The following FGF14 variants were observed in gnomAD, a reference collection of about 807,000 sequenced individuals.
FGF14 encodes fibroblast growth factor homologous factor 4.
A neutral mutation model predicts 25.5 loss-of-function variants in FGF14; 5 were observed. The ratio of observed to expected loss-of-function variants is 0.20; its 90% confidence interval spans 0.10 to 0.41. The LOEUF (loss-of-function observed/expected upper bound fraction) is 0.41. Ranked by LOEUF, FGF14 falls within the 10% of genes least tolerant of loss-of-function variation. FGF14 has a pLI of 1.00. For synonymous variants in FGF14, 138 were observed against 118.3 expected, an observed-to-expected ratio of 1.17 and a Z score of -1.08; for missense variants, 222 against 320.1, an observed-to-expected ratio of 0.69 and a Z score of 2.34.
intron 1 of FGF14, among the ~76,000 whole-genome samples, chr13:102,012,381 C>A (rs1215731690): frequency 6.6e-6 from 1 of 152,118 alleles, no homozygotes; most frequent in Non-Finnish European, 1.5e-5. Context: ...TCTCTGGTAA[C>A]AATCTAGATT....
chr13:101,959,689 C>T (rs2036722735), intron 1 of FGF14, among the ~76,000 whole-genome samples: 2 of 152,162 alleles, frequency 1.3e-5, no homozygotes, highest in African/African-American at 4.8e-5. Context: ...TGGTCAAAGC[C>T]TATTACTTTC....
chr13:102,221,272 G>C (rs1028706655), intron 1 of FGF14, among the ~76,000 whole-genome samples: 12 of 152,056 alleles, frequency 7.9e-5, no homozygotes, highest in Admixed American at 1.3e-4. Context: ...TTTTCAGATG[G>C]AAATTTAATG....
chr13:102,251,927 C>A (rs966050849), intron 1 of FGF14, among the ~76,000 whole-genome samples: 1 of 152,264 alleles, frequency 6.6e-6, no homozygotes, highest in Admixed American at 6.5e-5. Flanking sequence ...CCAGAGAACT[C>A]ATTTTCTTTG....
intron 3 of FGF14, among the ~76,000 whole-genome samples, chr13:101,833,611 A>C (rs1369547204): frequency 6.6e-6 from 1 of 152,092 alleles, no homozygotes; most frequent in East Asian, 1.9e-4. Context: ...CTGTGTGTAT[A>C]TACATATATA....
intron 3 of FGF14, among the ~76,000 whole-genome samples, chr13:101,787,846 G>GC (rs1404359844): frequency 6.6e-6 from 1 of 152,042 alleles, no homozygotes; most frequent in African/African-American, 2.4e-5. Context: ...ACACAGAAAT[G>GC]CCAGGCTGTT....
At chr13:101,818,984 G>T (rs758334226) in intron 3 of FGF14, among the ~76,000 whole-genome samples, 1 of 152,136 alleles carries the variant, frequency 6.6e-6, no homozygotes, top group Non-Finnish European at 1.5e-5. Context: ...TTACCCCCCA[G>T]GTTACAATCT....
chr13:102,303,123 G>T (rs2055162920), intron 1 of FGF14, among the ~76,000 whole-genome samples: 1 of 152,134 alleles, frequency 6.6e-6, no homozygotes, highest in Non-Finnish European at 1.5e-5. Context: ...CCCAAGCCAG[G>T]AATGCTCCCA....
At chr13:101,761,577 G>A (rs1219747092) in intron 3 of FGF14, among the ~76,000 whole-genome samples, 1 of 152,106 alleles carries the variant, frequency 6.6e-6, no homozygotes, top group Non-Finnish European at 1.5e-5. Flanking sequence ...TAGCAGCAAT[G>A]ACTATAGTTA....
At position 102,180,592 on chromosome 13, in the gene FGF14, G is replaced by A. The variant is rs115541999; in HGVS notation, c.208+220879C>T. 6.3e-3 allele frequency among the ~76,000 whole-genome samples: 960 copies of A among 152,216 alleles called. 11 individuals are homozygous for A. The highest frequency in any genetic ancestry group is 0.021 in the African/African-American group (891 of 41,534). On this transcript the variant is annotated intron_variant, in intron 1 of 4. Coordinates refer to the FGF14 transcript ENST00000376131. The stretch of plus-strand genomic sequence containing the variant: ...CTCCCAAAGTGCCTGGATTACAGGC[G>A]TGAGCCACCTCACCCGGCCAAGAGA...
chr13:101,923,906 A>G (rs2034183156), intron 1 of FGF14, among the ~76,000 whole-genome samples: 1 of 152,104 alleles, frequency 6.6e-6, no homozygotes, highest in Admixed American at 6.5e-5. Flanking sequence ...TAGCTTTACA[A>G]ATTTAGTGAT....
intron 1 of FGF14, among the ~76,000 whole-genome samples, chr13:101,980,169 A>G (rs115273247): frequency 1.6e-3 from 251 of 152,366 alleles, no homozygotes; most frequent in African/African-American, 4.7e-3. Context: ...TCATAAACAG[A>G]TAAATGTGCA....
At chr13:102,339,368 C>T (rs1236464914) in intron 1 of FGF14, among the ~76,000 whole-genome samples, 1 of 152,046 alleles carries the variant, frequency 6.6e-6, no homozygotes, top group East Asian at 1.9e-4. Flanking sequence ...CAAAATCTTA[C>T]AGGAGTTTCA....
At chr13:102,040,255 TC>T (rs1259967728) in intron 1 of FGF14, among the ~76,000 whole-genome samples, 1 of 152,170 alleles carries the variant, frequency 6.6e-6, no homozygotes, top group African/African-American at 2.4e-5. Context: ...CCTATAATCC[TC>T]ATGATCAAGT....
chr13:102,141,231 G>A (rs766331026), intron 1 of FGF14, among the ~76,000 whole-genome samples: 1 of 152,208 alleles, frequency 6.6e-6, no homozygotes, highest in Non-Finnish European at 1.5e-5. Context: ...GAAAATGGAC[G>A]TGTTGAATGA....
chr13:102,399,708 G>A (rs898293441), intron 1 of FGF14, among the ~76,000 whole-genome samples: 24 of 152,272 alleles, frequency 1.6e-4, no homozygotes, highest in African/African-American at 5.8e-4. Flanking sequence ...TTGGTGTGTC[G>A]TTTCAGAGTT....
intron 1 of FGF14, among the ~76,000 whole-genome samples, chr13:101,981,227 C>T (rs2038241102): frequency 6.6e-6 from 1 of 151,800 alleles, no homozygotes; most frequent in African/African-American, 2.4e-5. Context: ...TTCCATTGAG[C>T]CGAGATTGCG....
intron 1 of FGF14, among the ~76,000 whole-genome samples, chr13:102,152,272 T>C (rs985548548): frequency 6.6e-6 from 1 of 152,230 alleles, no homozygotes; most frequent in African/African-American, 2.4e-5. Flanking sequence ...TCACTGGTCA[T>C]GTTAGTTTGC....
At chr13:102,016,222 T>C (rs1162145644) in intron 1 of FGF14, among the ~76,000 whole-genome samples, 1 of 152,126 alleles carries the variant, frequency 6.6e-6, no homozygotes, top group African/African-American at 2.4e-5. Context: ...AATTGTGGTT[T>C]AGGGAAATTA....
intron 1 of FGF14, among the ~76,000 whole-genome samples, chr13:102,290,989 G>A (rs2054362876): frequency 3.3e-5 from 5 of 151,972 alleles, no homozygotes; most frequent in South Asian, 2.1e-4. Context: ...CAGAAACCAA[G>A]TACAAATTCT....
Sources: gnomAD v4.1 joint callset for allele counts (sites outside exome capture counted in the v4.1 genomes callset) on GRCh38, gnomAD v4.1.1 for gene constraint, MANE v1.5 for transcripts, NCBI Gene and HGNC (gene_info 2026-07-23, HGNC 2026-07-21) for gene names.